Variants in RHOBTB1 observed in about 807,000 individuals in gnomAD.
RHOBTB1 encodes rho-related BTB domain-containing protein 1.
In RHOBTB1, 40 loss-of-function variants were observed where a neutral mutation model predicts 71.6. The ratio of observed to expected loss-of-function variants is 0.56; its 90% CI spans 0.43 to 0.73. RHOBTB1 has a LOEUF of 0.73. Ranked by LOEUF, RHOBTB1 falls within the 30% of genes least tolerant of loss-of-function variation. The probability of loss-of-function intolerance (pLI) is 0.00; values close to 1 mark genes in which losing one functional copy is unlikely to be tolerated. For synonymous variants in RHOBTB1, 319 were observed against 334.9 expected (o/e 0.95, Z 0.52); for missense variants, 797 against 894.0 (o/e 0.89, Z 1.38).
At chr10:60,864,159 G>C in the RHOBTB1 span, among the ~76,000 whole-genome samples, 27,518 of 152,022 alleles carry the variant, frequency 0.18, 2,774 homozygotes, top group African/African-American at 0.27. Context: ...TTCCTTACTG[G>C]TCTCATGGAA....
chr10:60,895,454 G>T (rs1396112946), intron 4 of RHOBTB1, among the ~76,000 whole-genome samples: 1 of 152,034 alleles, frequency 6.6e-6, no homozygotes, highest in East Asian at 1.9e-4. Context: ...GCCCAGGCTG[G>T]AGTGCACTGG....
chr10:60,999,923 A>G (rs1162586264), intron 1 of RHOBTB1, among the ~76,000 whole-genome samples: 2 of 152,320 alleles, frequency 1.3e-5, no homozygotes, highest in East Asian at 3.9e-4. Context: ...GCTTTATGGG[A>G]GAAATTTTAT....
At chr10:60,989,978 C>CTTTTT (rs769184320) in intron 1 of RHOBTB1, among the ~76,000 whole-genome samples, 21 of 122,288 alleles carry the variant, frequency 1.7e-4, no homozygotes, top group Non-Finnish European at 1.9e-4. Flanking sequence ...TCAGAATGTC[C>CTTTTT]TTTTTTTTTT....
intron 7 of RHOBTB1, among the ~76,000 whole-genome samples, chr10:60,883,834 C>T (rs1213588413): frequency 6.6e-6 from 1 of 152,174 alleles, no homozygotes; most frequent in Non-Finnish European, 1.5e-5. Context: ...GATCAGGATA[C>T]TAGAGCCAAG....
At chr10:60,977,835 G>A (rs1043889076) in intron 2 of RHOBTB1, among the ~76,000 whole-genome samples, 5 of 151,924 alleles carry the variant, frequency 3.3e-5, no homozygotes, top group Non-Finnish European at 5.9e-5. Flanking sequence ...ATATATAATT[G>A]GATACTGTAA....
At chr10:60,911,223 C>T in intron 3 of RHOBTB1, 128 bp downstream of exon 3, 4 of 976,932 alleles carry the variant, frequency 4.1e-6, no homozygotes, top group East Asian at 2.6e-5. Context: ...TGTTTTCTCT[C>T]GTGGCACTAA....
intron 5 of RHOBTB1, among the ~76,000 whole-genome samples, chr10:60,889,463 GTTT>G (rs2081803321): frequency 6.6e-6 from 1 of 152,014 alleles, no homozygotes; most frequent in African/African-American, 2.4e-5. Flanking sequence ...AAATGGCATT[GTTT>G]TTTAAATTTT....
At position 60,921,537 on chromosome 10, in the gene RHOBTB1, T is replaced by C. The variant is rs2083563236; in HGVS notation, c.-10-9985A>G. On this transcript the variant is annotated intron_variant, in intron 2 of 10. Transcript: ENST00000337910. ...TACTGATTATTATGTTTATATGCAT[T>C]CCACTTCCACCCCACTGAGATTATA... Among the ~76,000 whole-genome samples, 4 of 152,248 alleles carry C rather than the reference T, an allele frequency of 2.6e-5. No homozygotes were observed. In the South Asian group the frequency reaches 8.3e-4, roughly 31 times the overall value.
chr10:60,947,875 C>T (rs886734975), upstream of RHOBTB1, among the ~76,000 whole-genome samples: 15 of 152,174 alleles, frequency 9.9e-5, no homozygotes, highest in African/African-American at 3.1e-4. Context: ...AGGTCATATG[C>T]TAAATAAAAA....
In RHOBTB1 at chr10:60,938,919, G is replaced by A. The variant is rs182058678; in HGVS notation, c.-11+2885C>T. 1.5e-3 allele frequency among the ~76,000 whole-genome samples: 232 copies of A among 152,156 alleles called. 2 individuals are homozygous for A. The highest frequency in any genetic ancestry group is 5.2e-3 in the African/African-American group (217 of 41,494). ...TTTGGCATCTAGTAGGGGCATAAAT[G>A]CTAGTTTATTGTTATCACAGCAGTC... On this transcript the variant is annotated intron_variant, in intron 2 of 10. Coordinates refer to ENST00000337910, the MANE Select transcript of RHOBTB1 (RefSeq NM_014836.5).
intron 2 of RHOBTB1, among the ~76,000 whole-genome samples, chr10:60,979,499 C>A (rs1368984276): frequency 2.0e-5 from 3 of 152,106 alleles, no homozygotes; most frequent in African/African-American, 7.2e-5. Flanking sequence ...AATATACAAT[C>A]ACTATATTGC....
intron 2 of RHOBTB1, among the ~76,000 whole-genome samples, chr10:60,959,506 A>G (rs2134498833): frequency 6.6e-6 from 1 of 152,340 alleles, no homozygotes; most frequent in African/African-American, 2.4e-5. Context: ...CATCACAGGC[A>G]GCAGTGCTAG....
Position 60,890,732 on chromosome 10 carries a change from T to C in RHOBTB1, c.483-1547A>G, listed in dbSNP as rs1345435834. Among the ~76,000 whole-genome samples the C allele has an allele frequency of 2.0e-5, 3 of 152,210 alleles. No homozygotes were observed. The East Asian group carries it at 5.8e-4, about 29-fold the overall frequency. On this transcript the variant is annotated intron_variant, in intron 5 of 10. Coordinates refer to ENST00000337910, the MANE Select transcript of RHOBTB1 (RefSeq NM_014836.5). ...AGATAATACTGGATAGAATTTGGAT[T>C]TGACGACTTAGATGAAAAGGAGGGA...
chr10:60,888,768 ACAT>A lies in RHOBTB1; in HGVS notation c.897_899del (p.Glu299_Cys300delinsAsp), dbSNP rs1274976064. On this transcript the variant is annotated inframe_deletion, in exon 6 of 11. Transcript: ENST00000337910. ...CTTCACTCCCATTTGGGGATTCTTC[ACAT>A]TCCATTAAAAACAGATCATAAAATT... 6.2e-7 allele frequency: 1 copy of A among 1,614,164 alleles called. No homozygotes were observed. Among genetic ancestry groups the A allele is most frequent in the Admixed American group, 1.7e-5 (1 of 60,018 alleles).
rs2083753200 is a variant in RHOBTB1, at chr10:60,924,512, A to G, written c.-10-12960T>C. ...TATAAGGCAAATATTATTAGAGCTA[A>G]AGAGAGAGAGAGAGAGACCCTGATA... On this transcript the variant is annotated intron_variant, in intron 2 of 10. Coordinates refer to ENST00000337910, the MANE Select transcript of RHOBTB1 (RefSeq NM_014836.5). Among the ~76,000 whole-genome samples the G allele has an allele frequency of 2.0e-5, 3 of 151,066 alleles. No individual in the cohort carries two copies. The South Asian group carries it at 6.3e-4, about 31-fold the overall frequency.
Position 60,878,070 on chromosome 10 carries a change from T to C in RHOBTB1, c.1576-12A>G, listed in dbSNP as rs764879562. The stretch of plus-strand genomic sequence containing the variant: ...TTCGGGAGATACACCTGAAATGTTA[T>C]ACAAAAAGCTAAATTCTGCTGCAGA... On this transcript the variant is annotated splice_polypyrimidine_tract_variant and intron_variant, in intron 7 of 10. Transcript: ENST00000337910. The C allele has an allele frequency of 2.5e-6, 4 of 1,605,436 alleles. No homozygotes were observed. The highest frequency in any genetic ancestry group is 1.7e-5 in the Admixed American group (1 of 58,676).
At chr10:60,906,527 A>G (rs1017549354) in intron 4 of RHOBTB1, among the ~76,000 whole-genome samples, 20 of 152,222 alleles carry the variant, frequency 1.3e-4, no homozygotes, top group African/African-American at 4.3e-4. Flanking sequence ...CTTTGGAGTC[A>G]GACAGATTCA....
intron 4 of RHOBTB1, among the ~76,000 whole-genome samples, chr10:60,904,389 C>G (rs2082559151): frequency 6.6e-6 from 1 of 152,180 alleles, no homozygotes; most frequent in African/African-American, 2.4e-5. Context: ...TTTCCATCAC[C>G]CCTAAAATTT....
intron 4 of RHOBTB1, among the ~76,000 whole-genome samples, chr10:60,896,668 G>T (rs2082175133): frequency 6.6e-6 from 1 of 152,196 alleles, no homozygotes; most frequent in South Asian, 2.1e-4. Context: ...TATGGTCTTA[G>T]TTGCTTGCCC....
Sources: gnomAD v4.1 joint callset for allele counts (sites outside exome capture counted in the v4.1 genomes callset) on GRCh38, gnomAD v4.1.1 for gene constraint, MANE v1.5 for transcripts, NCBI Gene and HGNC (gene_info 2026-07-23, HGNC 2026-07-21) for gene names.